PIK3C2B: variants seen among roughly 807,000 people sequenced by gnomAD.
PIK3C2B encodes phosphatidylinositol 4-phosphate 3-kinase C2 domain-containing subunit beta.
PIK3C2B carries 83 observed loss-of-function variants against 184.3 expected under a neutral mutation model. The ratio of observed to expected loss-of-function variants is 0.45; its 90% CI spans 0.38 to 0.54. The LOEUF is 0.54. PIK3C2B is among the 20% of genes least tolerant of loss of function. PIK3C2B has a pLI of 0.00. For missense variants in PIK3C2B, 1,736 were observed against 2,113.5 expected, an observed-to-expected ratio of 0.82 and a Z score of 3.50; for synonymous variants, 779 against 837.6, an observed-to-expected ratio of 0.93 and a Z score of 1.21.
rs1477307964 is a variant in PIK3C2B, at chr1:204,422,720, A to G, written c.*2132T>C. 1 of 152,650 alleles carries G rather than the reference A, an allele frequency of 6.6e-6. No individual in the cohort carries two copies. The highest frequency in any genetic ancestry group is 1.5e-5 in the Non-Finnish European group (1 of 68,032). The allele number at this position is 152,650 out of a possible 1,614,324, so 9.5% of individuals were successfully genotyped here. ...CTGGGAAGTGGGAAGTAAACAGTAC[A>G]CAGATCTCTTTAAATCAGGAGCATA... On this transcript the variant is annotated 3_prime_UTR_variant, in exon 33 of 33. Transcript: ENST00000684373.
chr1:204,427,423 T>C (rs963368414), intron 31 of PIK3C2B, among the ~76,000 whole-genome samples: 5 of 152,178 alleles, frequency 3.3e-5, no homozygotes, highest in Non-Finnish European at 7.4e-5. Flanking sequence ...CTCATTCTAA[T>C]GAGGCTCAGA....
At chr1:204,454,569 T>G (rs1654662995) in intron 12 of PIK3C2B, 100 bp downstream of exon 12, 1 of 1,246,322 alleles carries the variant, frequency 8.0e-7, no homozygotes. Flanking sequence ...GAGCCTGGTT[T>G]TATCATTAGT....
chr1:204,439,115 G>A (rs1385834397), intron 22 of PIK3C2B, 44 bp from the exon 23 acceptor site: 3 of 1,598,364 alleles, frequency 1.9e-6, no homozygotes, highest in African/African-American at 2.7e-5. Context: ...CCAGAATGAA[G>A]GGGACTGCAG....
chr1:204,479,703 T>C (rs1656983631), intron 1 of PIK3C2B, among the ~76,000 whole-genome samples: 1 of 152,238 alleles, frequency 6.6e-6, no homozygotes, highest in South Asian at 2.1e-4. Flanking sequence ...TTGCTTCCTA[T>C]AAACTGAGGT....
chr1:204,452,351 C>CA (rs1381472602), intron 12 of PIK3C2B, among the ~76,000 whole-genome samples: 1 of 115,588 alleles, frequency 8.7e-6, no homozygotes. Context: ...GCTGGATACT[C>CA]ACTGCAGCCT....
chr1:204,444,345 G>A lies in PIK3C2B; in HGVS notation c.2758C>T (p.Pro920Ser). ...LSDAELLDYL[P>S]QLVQALKYEC... ...AATCCACCCACCTGTACCAGCTGGG[G>A]CAGGTAGTCTAGCAGCTCAGCATCT... The change falls in exon 17 of 33, where the codon CCC becomes TCC. Residue 920 changes from proline to serine, a missense_variant. By Grantham distance (74) the Pro-to-Ser change is moderately conservative. Around this residue, in one of 8 missense-constraint regions of PIK3C2B, gnomAD observed 289 missense variants for 380.4 expected, o/e 0.76. Coordinates refer to ENST00000684373, the MANE Select transcript of PIK3C2B (RefSeq NM_001377334.1). The A allele has an allele frequency of 6.2e-7, 1 of 1,613,086 alleles. No individual in the cohort carries two copies. The highest frequency in any genetic ancestry group is 8.5e-7 in the Non-Finnish European group (1 of 1,179,096).
intron 29 of PIK3C2B, chr1:204,429,045 A>C (rs538858998): frequency 4.2e-5 from 15 of 355,452 alleles, no homozygotes; most frequent in African/African-American, 3.2e-4. Context: ...TGACATAGTA[A>C]AACCCTGTCT....
In PIK3C2B at chr1:204,464,083, A is replaced by T; in HGVS notation, c.1239T>A (p.His413Gln). Residue 413 changes from histidine to glutamine, a missense_variant, in exon 5 of 33, where the codon CAT becomes CAA. His to Gln is a conservative substitution (Grantham distance 24). This residue lies in a region of PIK3C2B where 609 missense variants were observed against 699.2 expected (regional missense o/e 0.87). Coordinates refer to ENST00000684373, the MANE Select transcript of PIK3C2B (RefSeq NM_001377334.1). The part of the protein sequence containing the change: ...LLIYQTLCYT[H>Q]DDLRNVDVGD... ...CCACGTCCACATTCCTCAGGTCATC[A>T]TGGGTGTAGCACAGGGTCTGGTAGA... The T allele has an allele frequency of 6.2e-7, 1 of 1,614,096 alleles. No individual in the cohort carries two copies. The highest frequency in any genetic ancestry group is 8.5e-7 in the Non-Finnish European group (1 of 1,179,960).
chr1:204,488,425 TA>T (rs1459576924), intron 1 of PIK3C2B, among the ~76,000 whole-genome samples: 2 of 152,198 alleles, frequency 1.3e-5, no homozygotes, highest in Admixed American at 6.5e-5. Flanking sequence ...TATCTATCAG[TA>T]TAGAATTCCT....
chr1:204,463,957 C>T (rs577687796), intron 5 of PIK3C2B, 55 bp downstream of exon 5: 2 of 1,584,384 alleles, frequency 1.3e-6, no homozygotes, highest in East Asian at 4.5e-5. Context: ...CCATGAAGCC[C>T]CCTCACAATC....
At chr1:204,434,295 T>C (rs937542020) in intron 24 of PIK3C2B, 144 bp downstream of exon 24, 6 of 716,232 alleles carry the variant, frequency 8.4e-6, no homozygotes, top group Non-Finnish European at 1.4e-5. Context: ...TCTTTATCCG[T>C]CTTCTCTCCT....
Position 204,470,236 on chromosome 1 carries a change from C to T in PIK3C2B, c.-84-350G>A, listed in dbSNP as rs906274196. 4.0e-5 allele frequency among the ~76,000 whole-genome samples: 6 copies of T among 149,622 alleles called. No individual in the cohort carries two copies. The South Asian group carries it at 1.3e-3, about 32-fold the overall frequency. On this transcript the variant is annotated intron_variant, in intron 1 of 32. Coordinates refer to ENST00000684373, the MANE Select transcript of PIK3C2B (RefSeq NM_001377334.1). ...AGGCTGGAATGCAATGGTGCGATCTCGGCTCACTGCAACCTCCACCTCCCA... is the reference window on the plus strand; with the variant it reads ...AGGCTGGAATGCAATGGTGCGATCTTGGCTCACTGCAACCTCCACCTCCCA...
intron 2 of PIK3C2B, among the ~76,000 whole-genome samples, chr1:204,466,526 T>C (rs1380374487): frequency 6.6e-6 from 1 of 152,042 alleles, no homozygotes; most frequent in Non-Finnish European, 1.5e-5. Context: ...GTGGGGACAG[T>C]TGGCATGTGA....
Position 204,457,041 on chromosome 1 carries a change from GT to G in PIK3C2B, c.1742del (p.Asn581ThrfsTer9). 1 of 1,567,242 alleles carries G rather than the reference GT, an allele frequency of 6.4e-7. No homozygotes were observed. The highest frequency in any genetic ancestry group is 1.9e-5 in the Admixed American group (1 of 53,828). On this transcript the variant is annotated frameshift_variant, in exon 10 of 33. Transcript: ENST00000684373. LOFTEE classifies it high-confidence loss of function. Reference protein sequence around the residue: ...KDPSVLAVRENREKVVEALTA... With the variant: ...KDPSVLAVREXREKVVEALTA... Reference sequence around the variant, plus strand: ...GATGGAGAGCAGTTCCCTTACCTCGGTTTTCCCTCACAGCCAAGACACTGGG... The same window carrying G: ...GATGGAGAGCAGTTCCCTTACCTCGGTTTCCCTCACAGCCAAGACACTGGG...
rs946812491 is a variant in PIK3C2B, at chr1:204,446,021, G to A, written c.2613C>T (p.Ile871=). ...PSWEWACLPD[I]YVLLKQWTHM... is the part of the protein sequence containing the mutation. The stretch of plus-strand genomic sequence containing the variant: ...GGGTCCACTGCTTCAGGAGAACATA[G>A]ATGTCAGGCAGGCAAGCCCACTCCC... The change falls in exon 16 of 33, where the codon ATC becomes ATT. Residue 871 remains isoleucine, a synonymous_variant. Coordinates refer to ENST00000684373, the MANE Select transcript of PIK3C2B (RefSeq NM_001377334.1). 2.5e-6 allele frequency: 4 copies of A among 1,604,822 alleles called. No homozygotes were observed. The South Asian group carries it at 4.4e-5, about 18-fold the overall frequency.
intron 12 of PIK3C2B, among the ~76,000 whole-genome samples, chr1:204,453,403 T>C (rs3014597): frequency 0.89 from 135,665 of 152,218 alleles, 61,925 homozygotes; most frequent in Non-Finnish European, 0.99. Flanking sequence ...GTGATTAATA[T>C]TACCTTGTGC....
intron 26 of PIK3C2B, 22 bp from the exon 27 acceptor site, chr1:204,432,423 A>C: frequency 6.2e-7 from 1 of 1,609,000 alleles, no homozygotes; most frequent in Non-Finnish European, 8.5e-7. Flanking sequence ...ATAAGAAAAG[A>C]GGATATAACC....
chr1:204,480,702 C>A (rs1397124538), intron 1 of PIK3C2B, among the ~76,000 whole-genome samples: 1 of 151,890 alleles, frequency 6.6e-6, no homozygotes, highest in Non-Finnish European at 1.5e-5. Context: ...GGGCTGCCGG[C>A]AGCTGACAGC....
chr1:204,460,312 G>A lies in PIK3C2B; in HGVS notation c.1502+12C>T. The A allele has an allele frequency of 6.2e-7, 1 of 1,603,942 alleles. No homozygotes were observed. The highest frequency in any genetic ancestry group is 1.1e-5 in the South Asian group (1 of 90,842). ...TTGTTTGGAGCACATCCAAGATGGT[G>A]CCCACACTCACCTGCTGATGGTCTG... is the stretch of plus-strand genomic sequence containing the variant. On this transcript the variant is annotated intron_variant, in intron 7 of 32. Transcript: ENST00000684373.
Sources: allele counts gnomAD v4.1 joint callset (sites outside exome capture counted in the v4.1 genomes callset), GRCh38; gene constraint gnomAD v4.1.1; regional missense constraint gnomAD v4.1.1; transcripts MANE v1.5; gene names NCBI Gene and HGNC (gene_info 2026-07-23, HGNC 2026-07-21).